The following GPR158 variants were observed in gnomAD, a reference collection of about 807,000 sequenced individuals.
GPR158 encodes the protein metabotropic glycine receptor.
A neutral mutation model predicts 78.2 loss-of-function variants in GPR158; 30 were observed. The observed-to-expected ratio is 0.38, with a 90% CI of 0.29 to 0.52. The LOEUF is 0.52. Among genes scored for constraint, GPR158 ranks in the 20% least tolerant of loss-of-function variants. The pLI is 0.83. For synonymous variants in GPR158, 581 were observed against 591.1 expected, an observed-to-expected ratio of 0.98 and a Z score of 0.25; for missense variants, 1,463 against 1,523.5, an observed-to-expected ratio of 0.96 and a Z score of 0.66.
chr10:25,400,887 C>T (rs1196041389), intron 3 of GPR158, among the ~76,000 whole-genome samples: 1 of 152,178 alleles, frequency 6.6e-6, no homozygotes, highest in African/African-American at 2.4e-5. Context: ...AACTCTAGTG[C>T]TATTGATATG....
At chr10:25,326,203 G>A (rs1465727940) in intron 2 of GPR158, among the ~76,000 whole-genome samples, 1 of 152,156 alleles carries the variant, frequency 6.6e-6, no homozygotes, top group East Asian at 1.9e-4. Flanking sequence ...AGAACATGTA[G>A]TGTGTGGTTT....
At chr10:25,192,706 T>C (rs1485449331) in intron 1 of GPR158, among the ~76,000 whole-genome samples, 2 of 152,036 alleles carry the variant, frequency 1.3e-5, no homozygotes, top group Non-Finnish European at 2.9e-5. Context: ...ATGATGGTTC[T>C]ACCTACAATT....
chr10:25,435,359 G>A (rs932398456), intron 4 of GPR158, among the ~76,000 whole-genome samples: 7 of 152,152 alleles, frequency 4.6e-5, no homozygotes, highest in Non-Finnish European at 8.8e-5. Context: ...TTTAAATGAG[G>A]TTGTTTCTGA....
rs1199288644 is a variant in GPR158 at position 25,316,923 on chromosome 10, G to GTGTGTA, written c.1009-78987_1009-78986insGTGTAT. Among the ~76,000 whole-genome samples, 3 of 95,542 alleles carry GTGTGTA rather than the reference G, an allele frequency of 3.1e-5. No individual in the cohort carries two copies. The East Asian group carries it at 6.2e-4, about 20-fold the overall frequency. The allele number at this position is 95,542 out of a possible 152,430, so 62.7% of individuals were successfully genotyped here. ...TGTGTGTGTGTGTTTATGTGTGTGT[G>GTGTGTA]TATGTGTGTGTATATATATATATAT... is the stretch of plus-strand genomic sequence containing the variant. On this transcript the variant is annotated intron_variant, in intron 2 of 10. Transcript: ENST00000376351.
chr10:25,195,030 A>C (rs1588728540), intron 1 of GPR158, among the ~76,000 whole-genome samples: 1 of 152,140 alleles, frequency 6.6e-6, no homozygotes, highest in African/African-American at 2.4e-5. Context: ...GAATCTTCCA[A>C]ATTTCAAAGT....
chr10:25,324,653 C>T (rs915416307), intron 2 of GPR158, among the ~76,000 whole-genome samples: 2 of 152,050 alleles, frequency 1.3e-5, no homozygotes, highest in Non-Finnish European at 2.9e-5. Context: ...TAGACTCGCT[C>T]AATGCATAGT....
chr10:25,240,580 G>T (rs1853590561), intron 2 of GPR158, among the ~76,000 whole-genome samples: 1 of 152,182 alleles, frequency 6.6e-6, no homozygotes, highest in South Asian at 2.1e-4. Flanking sequence ...GATTAGAAAT[G>T]ATAAGGAAAG....
rs953441896 is a variant in GPR158 at position 25,589,015 on chromosome 10, T to C, written c.1762T>C (p.Leu588=). 6.4e-7 allele frequency: 1 copy of C among 1,555,450 alleles called. No individual in the cohort carries two copies. The highest frequency in any genetic ancestry group is 1.8e-5 in the Admixed American group (1 of 56,830). The change falls in exon 8 of 11, where the codon TTA becomes CTA. Residue 588 remains leucine (L), a synonymous_variant. Coordinates refer to ENST00000376351, the MANE Select transcript of GPR158 (RefSeq NM_020752.3). ...GTTTGTTATTTTCACAGCTGAATTTTTATTCCTCTTGTGGGGTGTTTATCT... is the reference window on the plus strand; with the variant it reads ...GTTTGTTATTTTCACAGCTGAATTTCTATTCCTCTTGTGGGGTGTTTATCT... ...WDYMTAVAEF[L]FLLWGVYLCY...
chr10:25,430,909 C>G (rs1834893386), intron 4 of GPR158, among the ~76,000 whole-genome samples: 1 of 151,250 alleles, frequency 6.6e-6, no homozygotes, highest in African/African-American at 2.4e-5. Context: ...CATAAAAACC[C>G]TAGAAGAAAA....
intron 2 of GPR158, among the ~76,000 whole-genome samples, chr10:25,281,409 C>CAAAAAAAAAAAAA (rs749627659): frequency 1.5e-5 from 1 of 68,524 alleles, no homozygotes; most frequent in African/African-American, 4.6e-5. Context: ...ACCAAAAATA[C>CAAAAAAAAAAAAA]AAAAAAAAAA....
intron 2 of GPR158, among the ~76,000 whole-genome samples, chr10:25,292,628 G>A (rs1051493444): frequency 1.3e-5 from 2 of 151,976 alleles, no homozygotes; most frequent in African/African-American, 4.8e-5. Flanking sequence ...TGACCTATGA[G>A]AAGAGCAAAA....
At position 25,371,769 on chromosome 10, in the gene GPR158, G is replaced by A. The variant is rs539500944; in HGVS notation, c.1009-24142G>A. The stretch of plus-strand genomic sequence containing the variant: ...ATAAAAACCCTAGAAGAAAACCTAG[G>A]CATTACCATTCAGGACATAGGCAAG... On this transcript the variant is annotated intron_variant, in intron 2 of 10. Transcript: ENST00000376351. 1.6e-3 allele frequency among the ~76,000 whole-genome samples: 209 copies of A among 134,740 alleles called. 8 individuals carry two copies. The South Asian group carries it at 0.053, about 34-fold the overall frequency. 88.4% of individuals were successfully genotyped at this position (134,740 alleles called of 152,430 possible). A position where few individuals can be genotyped will look rare whatever the true frequency, so the allele number is the denominator to read the frequency against.
intron 5 of GPR158, among the ~76,000 whole-genome samples, chr10:25,520,482 G>A (rs1342181007): frequency 6.7e-6 from 1 of 150,154 alleles, no homozygotes; most frequent in Non-Finnish European, 1.5e-5. Flanking sequence ...TTTCTGTTCT[G>A]TTTTTTCCCC....
intron 2 of GPR158, chr10:25,244,425 T>C (rs1853663148): frequency 6.6e-6 from 1 of 152,214 alleles, no homozygotes. Context: ...TACTTAATGC[T>C]AGAAGTTAAC....
intron 2 of GPR158, among the ~76,000 whole-genome samples, chr10:25,271,397 C>T (rs984991630): frequency 1.3e-5 from 2 of 152,140 alleles, no homozygotes; most frequent in Non-Finnish European, 2.9e-5. Context: ...TAATTTTTAG[C>T]ATAATTCTAA....
chr10:25,556,048 G>A (rs1490294824), intron 6 of GPR158, among the ~76,000 whole-genome samples: 2 of 152,152 alleles, frequency 1.3e-5, no homozygotes, highest in Non-Finnish European at 2.9e-5. Flanking sequence ...CGTAAATGCA[G>A]CTTAGCTTGT....
Position 25,599,618 on chromosome 10 carries a change from C to T in GPR158, c.*344C>T, listed in dbSNP as rs1837465700. The T allele has an allele frequency of 1.9e-5, 4 of 205,880 alleles. No individual in the cohort carries two copies. The highest frequency in any genetic ancestry group is 2.0e-5 in the Non-Finnish European group (2 of 102,360). 12.8% of individuals were successfully genotyped at this position (205,880 alleles called of 1,614,324 possible). On this transcript the variant is annotated 3_prime_UTR_variant, in exon 11 of 11. Transcript: ENST00000376351. The stretch of plus-strand genomic sequence containing the variant: ...CAGGTAAACCAGGAGACACAGAAGA[C>T]GTACCAGATTTGCAAAGAAAGAAAA...
At chr10:25,368,165 C>T (rs1487712114) in intron 2 of GPR158, among the ~76,000 whole-genome samples, 1 of 151,868 alleles carries the variant, frequency 6.6e-6, no homozygotes, top group South Asian at 2.1e-4. Context: ...ATCCTGCCTT[C>T]CTTTTCCTTT....
chr10:25,351,935 G>T (rs1423792374), intron 2 of GPR158, among the ~76,000 whole-genome samples: 1 of 151,726 alleles, frequency 6.6e-6, no homozygotes, highest in Non-Finnish European at 1.5e-5. Context: ...AGTGTGTGTT[G>T]TTCCCTCCTG....
Sources: allele counts gnomAD v4.1 joint callset (sites outside exome capture counted in the v4.1 genomes callset), GRCh38; gene constraint gnomAD v4.1.1; transcripts MANE v1.5; gene names NCBI Gene and HGNC (gene_info 2026-07-23, HGNC 2026-07-21).